ASH1L: variants seen among roughly 807,000 people sequenced by gnomAD.
ASH1L encodes histone-lysine N-methyltransferase ASH1L.
ASH1L carries 23 observed loss-of-function variants against 269.0 expected under a neutral mutation model. The ratio of observed to expected loss-of-function variants is 0.09; its 90% CI spans 0.06 to 0.12. ASH1L has a LOEUF of 0.12. Among genes scored for constraint, ASH1L ranks in the 10% least tolerant of loss-of-function variants. ASH1L has a pLI of 1.00. For missense variants in ASH1L, 2,912 were observed against 3,567.8 expected (o/e 0.82, Z 4.68); for synonymous variants, 1,187 against 1,253.5 (o/e 0.95, Z 1.12).
chr1:155,555,655 T>C (rs1311821619), intron 1 of ASH1L, among the ~76,000 whole-genome samples: 2 of 152,204 alleles, frequency 1.3e-5, no homozygotes, highest in Non-Finnish European at 2.9e-5. Context: ...CTATTCTGAA[T>C]AGCATAGGAA....
intron 21 of ASH1L, among the ~76,000 whole-genome samples, chr1:155,345,174 CTTTTTTTT>C (rs397981613): frequency 4.7e-5 from 3 of 64,038 alleles, no homozygotes; most frequent in Admixed American, 5.0e-4. Flanking sequence ...CCAGGATGGT[CTTTTTTTT>C]TTTTTTTTTT....
At chr1:155,359,555 G>A (rs1442884613) in intron 13 of ASH1L, among the ~76,000 whole-genome samples, 5 of 151,950 alleles carry the variant, frequency 3.3e-5, no homozygotes, top group South Asian at 2.1e-4. Context: ...GATTACAGGC[G>A]CGAGCCACCA....
At chr1:155,541,496 CA>C (rs1199797576) in intron 1 of ASH1L, among the ~76,000 whole-genome samples, 4 of 151,996 alleles carry the variant, frequency 2.6e-5, no homozygotes, top group Admixed American at 6.6e-5. Flanking sequence ...ACTAAAATCA[CA>C]AAAAAATTAG....
In ASH1L at chr1:155,555,036, A is replaced by C. The variant is rs977862122; in HGVS notation, c.-100+7117T>G. 9.9e-5 allele frequency among the ~76,000 whole-genome samples: 15 copies of C among 151,172 alleles called. No homozygotes were observed. The East Asian group carries it at 2.9e-3, about 29-fold the overall frequency. ...CATACACCAGTAGTCCCAGCTACTC[A>C]GGAGGCTCAAACAGGAGAATCGCTT... On this transcript the variant is annotated intron_variant, in intron 1 of 27. Coordinates refer to ENST00000392403, the MANE Select transcript of ASH1L (RefSeq NM_018489.3).
rs1390987213 is a variant in ASH1L at position 155,395,483 on chromosome 1, A to G, written c.6079T>C (p.Leu2027=). The change falls in exon 7 of 28, where the codon TTA becomes CTA. Residue 2027 remains leucine (L), a synonymous_variant. Transcript: ENST00000392403. ...CCAACATGAATGGGCGCTGGAAATA[A>G]TCCATATTCATGCTCTCCTGGAGTA... ...EYTPGEHEYG[L]FPAPIHVGKY... is the part of the protein sequence containing the mutation. 6.2e-7 allele frequency: 1 copy of G among 1,610,674 alleles called. No homozygotes were observed. The highest frequency in any genetic ancestry group is 8.5e-7 in the Non-Finnish European group (1 of 1,178,758).
At chr1:155,394,621 G>C (rs1212807211) in intron 7 of ASH1L, among the ~76,000 whole-genome samples, 1 of 152,118 alleles carries the variant, frequency 6.6e-6, no homozygotes, top group African/African-American at 2.4e-5. Flanking sequence ...AGAAAAAAAT[G>C]GGAGGAACTT....
At chr1:155,371,927 C>G (rs1386096814) in intron 10 of ASH1L, among the ~76,000 whole-genome samples, 1 of 151,978 alleles carries the variant, frequency 6.6e-6, no homozygotes, top group Non-Finnish European at 1.5e-5. Context: ...CTCCCAACCT[C>G]AGGTGATCCG....
chr1:155,431,519 G>A (rs764200000), intron 5 of ASH1L, among the ~76,000 whole-genome samples: 3 of 151,978 alleles, frequency 2.0e-5, no homozygotes, highest in Non-Finnish European at 4.4e-5. Context: ...TTAGCACTTT[G>A]GGAGGTCAAG....
chr1:155,396,756 G>T (rs1260006879), intron 6 of ASH1L, among the ~76,000 whole-genome samples: 1 of 151,582 alleles, frequency 6.6e-6, no homozygotes. Flanking sequence ...GAAGTCAGGA[G>T]TTCGAGACAG....
intron 10 of ASH1L, among the ~76,000 whole-genome samples, chr1:155,371,561 A>AAAAT (rs1225257657): frequency 3.9e-5 from 6 of 152,116 alleles, no homozygotes; most frequent in African/African-American, 7.2e-5. Flanking sequence ...ATAAATAAAT[A>AAAAT]AAATAAATAA....
At chr1:155,545,175 C>CAAAA (rs10624841) in intron 1 of ASH1L, among the ~76,000 whole-genome samples, 1,621 of 21,786 alleles carry the variant, frequency 0.074, 615 homozygotes, top group Non-Finnish European at 0.085. Context: ...TCCATCTCAC[C>CAAAA]AAAAAAAAAA....
chr1:155,390,005 T>C (rs765997780), intron 7 of ASH1L, among the ~76,000 whole-genome samples: 16 of 151,992 alleles, frequency 1.1e-4, no homozygotes, highest in Non-Finnish European at 1.9e-4. Flanking sequence ...ACTCATCTTC[T>C]TGACTTAATA....
intron 1 of ASH1L, among the ~76,000 whole-genome samples, chr1:155,556,623 A>C (rs1168696659): frequency 6.6e-6 from 1 of 151,922 alleles, no homozygotes. Context: ...TTATATTTTT[A>C]GTAGAGACGG....
At chr1:155,435,927 T>C (rs1355465273) in intron 5 of ASH1L, among the ~76,000 whole-genome samples, 2 of 152,154 alleles carry the variant, frequency 1.3e-5, no homozygotes, top group South Asian at 4.1e-4. Flanking sequence ...GGTGCGCACC[T>C]GTAATCACAG....
intron 4 of ASH1L, among the ~76,000 whole-genome samples, chr1:155,453,893 G>A (rs1055941371): frequency 4.6e-5 from 7 of 152,164 alleles, no homozygotes; most frequent in African/African-American, 1.4e-4. Context: ...ACGAGGTCAG[G>A]AGATCCAGAC....
chr1:155,469,236 G>A (rs547716199), intron 3 of ASH1L, among the ~76,000 whole-genome samples: 1 of 151,576 alleles, frequency 6.6e-6, no homozygotes, highest in African/African-American at 2.4e-5. Flanking sequence ...AGGCTGGAGT[G>A]CAATGGCGTG....
Position 155,447,805 on chromosome 1 carries a change from G to C in ASH1L, c.5087-8737C>G, listed in dbSNP as rs1043288876. Among the ~76,000 whole-genome samples, 6 of 152,258 alleles carry C rather than the reference G, an allele frequency of 3.9e-5. No homozygotes were observed. The East Asian group carries it at 1.2e-3, about 29-fold the overall frequency. On this transcript the variant is annotated intron_variant, in intron 4 of 27. Coordinates refer to ENST00000392403, the MANE Select transcript of ASH1L (RefSeq NM_018489.3). Reference sequence around the variant, plus strand: ...GTTTGCAAATATTTTCTCCCATTCTGTGGGTTGTCTCTTCACTTTATTGAT... The same window carrying C: ...GTTTGCAAATATTTTCTCCCATTCTCTGGGTTGTCTCTTCACTTTATTGAT...
chr1:155,562,807 C>T (rs1364452188), upstream of ASH1L: 1 of 613,446 alleles, frequency 1.6e-6, no homozygotes, highest in South Asian at 1.5e-5. Flanking sequence ...AAGCCTCCTC[C>T]TCCTCCTCCT....
chr1:155,468,815 TG>T (rs1664881981), intron 3 of ASH1L, among the ~76,000 whole-genome samples: 1 of 152,154 alleles, frequency 6.6e-6, no homozygotes, highest in African/African-American at 2.4e-5. Context: ...AAAAATCATA[TG>T]TAATTATGTA....
Sources: allele counts gnomAD v4.1 joint callset (sites outside exome capture counted in the v4.1 genomes callset), GRCh38; gene constraint gnomAD v4.1.1; transcripts MANE v1.5; gene names NCBI Gene and HGNC (gene_info 2026-07-23, HGNC 2026-07-21).